Variants in RERE observed in about 807,000 individuals in gnomAD.
The protein encoded by RERE is arginine-glutamic acid dipeptide repeats protein.
RERE carries 40 observed loss-of-function variants against 146.1 expected under a neutral mutation model. That is an observed-to-expected ratio of 0.27 (90% CI 0.21 to 0.36). The LOEUF (loss-of-function observed/expected upper bound fraction) is 0.36. RERE is among the 10% of genes least tolerant of loss of function. The pLI, the probability that RERE is intolerant of heterozygous loss-of-function variation, is 1.00. For synonymous variants in RERE, 1,003 were observed against 866.0 expected (o/e 1.16, Z -2.78); for missense variants, 1,933 against 2,138.7 (o/e 0.90, Z 1.90).
chr1:8,730,360 T>G (rs1278476403), intron 1 of RERE, among the ~76,000 whole-genome samples: 2 of 152,234 alleles, frequency 1.3e-5, no homozygotes, highest in African/African-American at 2.4e-5. Flanking sequence ...TTTTTGTTTT[T>G]GAGACAGAGT....
chr1:8,653,780 G>T (rs1173126960), intron 2 of RERE, among the ~76,000 whole-genome samples: 2 of 150,878 alleles, frequency 1.3e-5, no homozygotes, highest in African/African-American at 4.9e-5. Flanking sequence ...CAAGCAATCT[G>T]TGGTAACTCT....
At chr1:8,677,763 G>C (rs765098200) in intron 1 of RERE, among the ~76,000 whole-genome samples, 1 of 152,128 alleles carries the variant, frequency 6.6e-6, no homozygotes, top group Non-Finnish European at 1.5e-5. Flanking sequence ...ATCTCATGGA[G>C]TTGTGAGGAA....
At chr1:8,408,662 G>C (rs150315192) in intron 12 of RERE, among the ~76,000 whole-genome samples, 1 of 152,128 alleles carries the variant, frequency 6.6e-6, no homozygotes, top group Non-Finnish European at 1.5e-5. Context: ...TGCCTACTTG[G>C]AACAGGCTTT....
intron 4 of RERE, among the ~76,000 whole-genome samples, chr1:8,584,051 T>C (rs1043259758): frequency 1.3e-5 from 2 of 151,924 alleles, no homozygotes; most frequent in African/African-American, 4.8e-5. Flanking sequence ...TACCAGATAT[T>C]AGACAGTAAC....
chr1:8,677,359 G>C (rs1273865476), intron 1 of RERE, among the ~76,000 whole-genome samples: 3 of 145,408 alleles, frequency 2.1e-5, no homozygotes, highest in Non-Finnish European at 4.5e-5. Flanking sequence ...CCGGGAGGCA[G>C]AGGTTGCAGT....
intron 1 of RERE, among the ~76,000 whole-genome samples, chr1:8,685,385 AAAC>A (rs144085294): frequency 0.2 from 30,044 of 151,712 alleles, 3,009 homozygotes; most frequent in Middle Eastern, 0.27. Context: ...CCAAGTATTA[AAAC>A]AACAAAATAC....
chr1:8,390,218 G>A (rs1425167215), intron 12 of RERE, among the ~76,000 whole-genome samples: 1 of 152,120 alleles, frequency 6.6e-6, no homozygotes, highest in African/African-American at 2.4e-5. Flanking sequence ...TGACAAGAAC[G>A]ACGGCATACA....
intron 1 of RERE, among the ~76,000 whole-genome samples, chr1:8,743,149 A>C (rs1206101442): frequency 6.6e-6 from 1 of 152,094 alleles, no homozygotes; most frequent in African/African-American, 2.4e-5. Flanking sequence ...TAATCCCAGC[A>C]CTTTGGGAGG....
At chr1:8,747,526 A>G (rs977808311) in intron 1 of RERE, among the ~76,000 whole-genome samples, 1 of 152,108 alleles carries the variant, frequency 6.6e-6, no homozygotes, top group Admixed American at 6.5e-5. Flanking sequence ...AAAGACAGAT[A>G]AATCAACACA....
intron 1 of RERE, among the ~76,000 whole-genome samples, chr1:8,785,579 T>G (rs1423869297): frequency 6.6e-6 from 1 of 152,208 alleles, no homozygotes; most frequent in Non-Finnish European, 1.5e-5. Context: ...TGACATACTT[T>G]GAAGACAAAG....
At chr1:8,797,565 C>T (rs980644617) in intron 1 of RERE, among the ~76,000 whole-genome samples, 5 of 152,060 alleles carry the variant, frequency 3.3e-5, no homozygotes, top group African/African-American at 4.8e-5. Flanking sequence ...CCTAAAAAAC[C>T]GACTTACTAA....
intron 12 of RERE, among the ~76,000 whole-genome samples, chr1:8,394,379 T>G (rs553957157): frequency 1.3e-5 from 2 of 152,334 alleles, no homozygotes; most frequent in South Asian, 4.1e-4. Context: ...TATTTGAAGT[T>G]CGACAACTAC....
At chr1:8,568,237 G>A (rs188278724) in intron 4 of RERE, among the ~76,000 whole-genome samples, 1 of 152,308 alleles carries the variant, frequency 6.6e-6, no homozygotes, top group East Asian at 1.9e-4. Context: ...CCAGCCTTTG[G>A]ACTGAGGACT....
intron 1 of RERE, among the ~76,000 whole-genome samples, chr1:8,784,932 T>C (rs1641233871): frequency 1.3e-5 from 2 of 152,184 alleles, no homozygotes; most frequent in African/African-American, 4.8e-5. Flanking sequence ...TGAGCTTATG[T>C]CTCTACTGCT....
chr1:8,425,928 A>C (rs563056065), intron 11 of RERE, among the ~76,000 whole-genome samples: 1 of 152,312 alleles, frequency 6.6e-6, no homozygotes, highest in Non-Finnish European at 1.5e-5. Flanking sequence ...TACAATTATT[A>C]TCCCCATTTT....
At chr1:8,471,131 A>G (rs1392915502) in intron 10 of RERE, among the ~76,000 whole-genome samples, 1 of 151,994 alleles carries the variant, frequency 6.6e-6, no homozygotes, top group African/African-American at 2.4e-5. Context: ...TATTAAAGAT[A>G]CACTTTTAAC....
At chr1:8,454,331 ACT>A (rs1363147897) in intron 11 of RERE, among the ~76,000 whole-genome samples, 2 of 151,988 alleles carry the variant, frequency 1.3e-5, no homozygotes, top group African/African-American at 4.8e-5. Flanking sequence ...AACAGGAATG[ACT>A]CTGTTAGCTT....
chr1:8,574,441 T>C (rs1027081607), intron 4 of RERE, among the ~76,000 whole-genome samples: 6 of 138,778 alleles, frequency 4.3e-5, no homozygotes, highest in Admixed American at 3.1e-4. Context: ...GCCTCTCGGG[T>C]TCATGCCATT....
intron 6 of RERE, among the ~76,000 whole-genome samples, chr1:8,545,329 C>G (rs1242001933): frequency 6.6e-6 from 1 of 152,144 alleles, no homozygotes; most frequent in African/African-American, 2.4e-5. Context: ...CCGAGTGGGG[C>G]GGGCCCCAGA....
Sources: gnomAD v4.1 joint callset for allele counts (sites outside exome capture counted in the v4.1 genomes callset) on GRCh38, gnomAD v4.1.1 for gene constraint, MANE v1.5 for transcripts, NCBI Gene and HGNC (gene_info 2026-07-23, HGNC 2026-07-21) for gene names.